SPATS2: variants seen among roughly 807,000 people sequenced by gnomAD.
The protein encoded by SPATS2 is spermatogenesis associated serine rich 2, also known as spermatogenesis-associated serine-rich protein 2.
A neutral mutation model predicts 63.7 loss-of-function variants in SPATS2; 38 were observed. The observed-to-expected ratio is 0.60, with a 90% CI of 0.46 to 0.78. SPATS2 has a LOEUF of 0.78. SPATS2 is among the 30% of genes least tolerant of loss of function. SPATS2 has a pLI of 0.00. For missense variants in SPATS2, 588 were observed against 666.2 expected (o/e 0.88, Z 1.29); for synonymous variants, 207 against 232.9 (o/e 0.89, Z 1.01).
chr12:49,456,031 C>CT (rs1330749013), intron 2 of SPATS2, among the ~76,000 whole-genome samples: 5 of 152,202 alleles, frequency 3.3e-5, no homozygotes, highest in African/African-American at 1.2e-4. Context: ...CTTGGTCTTG[C>CT]TTGTTTGCCA....
At chr12:49,486,158 A>G (rs1946289009) in intron 4 of SPATS2, 4 of 443,032 alleles carry the variant, frequency 9.0e-6, no homozygotes, top group South Asian at 4.9e-5. Flanking sequence ...TCTTACCTTT[A>G]TCGTAGAGTC....
chr12:49,462,529 C>CA (rs1945840381), intron 3 of SPATS2: 1 of 686,920 alleles, frequency 1.5e-6, no homozygotes, highest in African/African-American at 1.8e-5. Flanking sequence ...CCTCTGCCAG[C>CA]AAGGGCAAAG....
chr12:49,508,673 G>T (rs951350431), intron 9 of SPATS2, among the ~76,000 whole-genome samples: 5 of 151,858 alleles, frequency 3.3e-5, no homozygotes, highest in African/African-American at 1.2e-4. Flanking sequence ...GGGCTCAAGT[G>T]ATCCTCCTGC....
intron 3 of SPATS2, among the ~76,000 whole-genome samples, chr12:49,467,980 G>A (rs1234514890): frequency 2.6e-5 from 4 of 151,800 alleles, no homozygotes; most frequent in Non-Finnish European, 4.4e-5. Context: ...TGATCCACCC[G>A]CCTCGGCCTC....
At chr12:49,457,138 A>G (rs1296956102) in intron 2 of SPATS2, among the ~76,000 whole-genome samples, 1 of 151,898 alleles carries the variant, frequency 6.6e-6, no homozygotes, top group Non-Finnish European at 1.5e-5. Flanking sequence ...TGAAATATTC[A>G]AATAAGTATT....
In SPATS2 at chr12:49,450,509, G is replaced by A. The variant is rs189806943; in HGVS notation, c.-243-10261G>A. 2.6e-5 allele frequency among the ~76,000 whole-genome samples: 4 copies of A among 152,032 alleles called. No homozygotes were observed. In the East Asian group the frequency reaches 7.8e-4, roughly 30 times the overall value. On this transcript the variant is annotated intron_variant, in intron 2 of 13. Coordinates refer to ENST00000552918, the MANE Select transcript of SPATS2 (RefSeq NM_023071.4). ...TCCGCCCGCCTCGGCCTCCCAAAGT[G>A]CTGGGATTACAGGCGTGAGCCACCG... is the stretch of plus-strand genomic sequence containing the variant.
At chr12:49,487,560 C>G (rs7294648) in intron 4 of SPATS2, among the ~76,000 whole-genome samples, 44,991 of 152,098 alleles carry the variant, frequency 0.3, 8,998 homozygotes, top group African/African-American at 0.57. Context: ...ATTTTTAAAA[C>G]GGCAAGCTTA....
intron 9 of SPATS2, among the ~76,000 whole-genome samples, chr12:49,502,088 C>T (rs1160885048): frequency 6.6e-6 from 1 of 152,154 alleles, no homozygotes; most frequent in African/African-American, 2.4e-5. Context: ...TAGTAACTGT[C>T]TAGATCTGAA....
chr12:49,454,609 G>T (rs561559309), intron 2 of SPATS2, among the ~76,000 whole-genome samples: 1 of 152,170 alleles, frequency 6.6e-6, no homozygotes, highest in Non-Finnish European at 1.5e-5. Flanking sequence ...TGGATCAGGC[G>T]TGGTGGCTCA....
intron 3 of SPATS2, among the ~76,000 whole-genome samples, chr12:49,482,820 C>T (rs773108314): frequency 3.3e-5 from 5 of 152,034 alleles, no homozygotes; most frequent in Non-Finnish European, 5.9e-5. Flanking sequence ...GACAGGATCT[C>T]TCTCTGTCAC....
chr12:49,398,135 C>CAA (rs71080193), intron 2 of SPATS2, among the ~76,000 whole-genome samples: 3,078 of 45,056 alleles, frequency 0.068, 398 homozygotes, highest in African/African-American at 0.097. Flanking sequence ...GACCCTGTCT[C>CAA]AAAAAAAAAA....
intron 2 of SPATS2, among the ~76,000 whole-genome samples, chr12:49,398,155 A>G (rs1285097704): frequency 1.3e-5 from 2 of 150,712 alleles, no homozygotes; most frequent in South Asian, 2.1e-4. Context: ...AAAAAAAAAA[A>G]AAAAAGAAAA....
chr12:49,522,941 T>G, intron 12 of SPATS2, 88 bp downstream of exon 12: 1 of 1,088,620 alleles, frequency 9.2e-7, no homozygotes, highest in Non-Finnish European at 1.4e-6. Flanking sequence ...TGATTCCTCA[T>G]TAGTGCCTCT....
chr12:49,430,948 C>T (rs1945174754), intron 2 of SPATS2, among the ~76,000 whole-genome samples: 1 of 152,164 alleles, frequency 6.6e-6, no homozygotes, highest in African/African-American at 2.4e-5. Flanking sequence ...GATCCACCCG[C>T]CTCAGTGGGA....
chr12:49,492,783 A>T (rs1053596748), intron 6 of SPATS2, among the ~76,000 whole-genome samples: 1 of 152,150 alleles, frequency 6.6e-6, no homozygotes, highest in Admixed American at 6.6e-5. Context: ...TAGCCAGTTC[A>T]CATGGGGGAA....
chr12:49,408,321 C>T lies in SPATS2; in HGVS notation c.-244+37031C>T, dbSNP rs985616992. Reference sequence around the variant, plus strand: ...AGGCTGAAGTGCAATGGCACAATCTCGGCTCACTGCAACCTCCGTCTCCTG... The same window carrying T: ...AGGCTGAAGTGCAATGGCACAATCTTGGCTCACTGCAACCTCCGTCTCCTG... On this transcript the variant is annotated intron_variant, in intron 2 of 13. Coordinates refer to ENST00000552918, the MANE Select transcript of SPATS2 (RefSeq NM_023071.4). Among the ~76,000 whole-genome samples, 10 of 150,516 alleles carry T rather than the reference C, an allele frequency of 6.6e-5. No individual in the cohort carries two copies. The South Asian group carries it at 1.7e-3, about 25-fold the overall frequency.
chr12:49,519,843 C>T (rs1191985156), intron 11 of SPATS2, among the ~76,000 whole-genome samples: 4 of 150,006 alleles, frequency 2.7e-5, no homozygotes, highest in East Asian at 1.9e-4. Context: ...GACAAAGTCT[C>T]GCTCTGTCAC....
intron 2 of SPATS2, among the ~76,000 whole-genome samples, chr12:49,378,499 G>A (rs1296377196): frequency 4.0e-5 from 6 of 150,304 alleles, no homozygotes; most frequent in East Asian, 4.0e-4. Flanking sequence ...GGGTTTCACC[G>A]TTTTAGTCAG....
At chr12:49,415,670 C>T (rs933819311) in intron 2 of SPATS2, among the ~76,000 whole-genome samples, 9 of 152,130 alleles carry the variant, frequency 5.9e-5, no homozygotes, top group Non-Finnish European at 1.2e-4. Flanking sequence ...CTTCAGCTTC[C>T]GGTAACGCTT....
Sources: gnomAD v4.1 joint callset for allele counts (sites outside exome capture counted in the v4.1 genomes callset) on GRCh38, gnomAD v4.1.1 for gene constraint, MANE v1.5 for transcripts, NCBI Gene and HGNC (gene_info 2026-07-23, HGNC 2026-07-21) for gene names.